The following ZNF346 variants were observed in gnomAD, a reference collection of about 807,000 sequenced individuals.
The protein encoded by ZNF346 is double-stranded RNA-binding zinc finger protein JAZ.
In ZNF346, 23 loss-of-function variants were observed where a neutral mutation model predicts 33.7. That is an observed-to-expected ratio of 0.68 (90% CI 0.49 to 0.97). ZNF346 has a LOEUF of 0.97. Among genes scored for constraint, ZNF346 ranks in the 50% least tolerant of loss-of-function variants. ZNF346 has a pLI of 0.00. For missense variants in ZNF346, 340 were observed against 371.1 expected (o/e 0.92, Z 0.69); for synonymous variants, 134 against 142.4 (o/e 0.94, Z 0.42).
In ZNF346 at chr5:177,067,415, C is replaced by T. The variant is rs1361831151; in HGVS notation, c.*2816C>T. Among the ~76,000 whole-genome samples the T allele has an allele frequency of 1.3e-5, 2 of 152,186 alleles. No homozygotes were observed. Among genetic ancestry groups the T allele is most frequent in the African/African-American group, 4.8e-5 (2 of 41,446 alleles). ...CTGGTCAGCTGTGAAAGGCTCTACACAGCCCCAAGGGAGGTTCTCAGCTTC... is the reference window on the plus strand; with the variant it reads ...CTGGTCAGCTGTGAAAGGCTCTACATAGCCCCAAGGGAGGTTCTCAGCTTC... On this transcript the variant is annotated 3_prime_UTR_variant, in exon 7 of 7. Transcript: ENST00000358149.
intron 4 of ZNF346, among the ~76,000 whole-genome samples, chr5:177,047,797 T>C (rs1039208667): frequency 6.6e-6 from 1 of 151,924 alleles, no homozygotes; most frequent in African/African-American, 2.4e-5. Context: ...TGAGCCACCG[T>C]GCCCTGCCTA....
At chr5:177,069,690 C>T (rs934869735), downstream of ZNF346, among the ~76,000 whole-genome samples, 2 of 151,204 alleles carry the variant, frequency 1.3e-5, no homozygotes, top group African/African-American at 2.5e-5. Context: ...GCCACCACAC[C>T]AGCTAATTTT....
intron 5 of ZNF346, among the ~76,000 whole-genome samples, chr5:177,052,118 T>C (rs569411242): frequency 4.6e-4 from 70 of 152,250 alleles, no homozygotes; most frequent in Non-Finnish European, 9.0e-4. Context: ...TGAGATATGA[T>C]TGTGCCACTG....
At chr5:177,053,755 A>G (rs1282268193) in intron 5 of ZNF346, among the ~76,000 whole-genome samples, 1 of 152,182 alleles carries the variant, frequency 6.6e-6, no homozygotes, top group Non-Finnish European at 1.5e-5. Flanking sequence ...ACATTTCAAA[A>G]TGTATGTATA....
intron 6 of ZNF346, among the ~76,000 whole-genome samples, chr5:177,064,072 A>G (rs1292595431): frequency 6.6e-6 from 1 of 152,206 alleles, no homozygotes; most frequent in Non-Finnish European, 1.5e-5. Flanking sequence ...GACTTCCCCA[A>G]GGTCACTTAG....
At chr5:177,023,876 T>A (rs529326672) in intron 1 of ZNF346, among the ~76,000 whole-genome samples, 27 of 151,888 alleles carry the variant, frequency 1.8e-4, no homozygotes, top group Non-Finnish European at 3.2e-4. Context: ...CTGCCCTGGA[T>A]AAAATTGGAT....
chr5:177,061,902 C>T (rs1346558231), intron 5 of ZNF346, among the ~76,000 whole-genome samples, 156 bp from the exon 6 acceptor site: 1 of 152,188 alleles, frequency 6.6e-6, no homozygotes. Flanking sequence ...GTCTGTGCCT[C>T]CTTAGCACTG....
chr5:177,044,680 C>G, intron 4 of ZNF346, 147 bp downstream of exon 4: 1 of 799,174 alleles, frequency 1.3e-6, no homozygotes. Context: ...CCAAGTAGAC[C>G]CAGCTTCACT....
chr5:177,046,127 C>G (rs1476793995), intron 4 of ZNF346, among the ~76,000 whole-genome samples: 1 of 151,848 alleles, frequency 6.6e-6, no homozygotes, highest in Non-Finnish European at 1.5e-5. Flanking sequence ...CGGTGAAACC[C>G]AATCTCTACT....
At chr5:177,080,160 T>TC (rs925317903) in exon 9 of ZNF346, 1 of 152,198 alleles carries the variant, frequency 6.6e-6, no homozygotes, top group African/African-American at 2.4e-5. Context: ...AACCTGTAAC[T>TC]CACAGCCCTG....
downstream of ZNF346, among the ~76,000 whole-genome samples, chr5:177,068,265 G>T (rs1783331621): frequency 1.4e-5 from 2 of 144,004 alleles, 1 homozygote; most frequent in Non-Finnish European, 2.9e-5. Flanking sequence ...TCATAATTTT[G>T]TCCATTCCCA....
intron 1 of ZNF346, among the ~76,000 whole-genome samples, chr5:177,040,451 TCTC>T (rs1361331373): frequency 6.6e-6 from 1 of 151,928 alleles, no homozygotes; most frequent in Non-Finnish European, 1.5e-5. Flanking sequence ...TTCAAACAAT[TCTC>T]CTGCCTCAGC....
At position 177,041,853 on chromosome 5, in the gene ZNF346, A is replaced by C; in HGVS notation, c.355A>C (p.Lys119Gln). 6.2e-7 allele frequency: 1 copy of C among 1,612,418 alleles called. No individual in the cohort carries two copies. The highest frequency in any genetic ancestry group is 8.5e-7 in the Non-Finnish European group (1 of 1,178,562). Residue 119 changes from lysine to glutamine, a missense_variant, in exon 3 of 7, where the codon AAG (lysine) becomes CAG (glutamine). Transcript: ENST00000358149. Reference protein sequence around the residue: ...GMETLKGETKKLDSDQKSSRS... With the variant: ...GMETLKGETKQLDSDQKSSRS... ...GGAGACATTAAAGGGGGAAACGAAG[A>C]AGCTAGACTCAGATCAGGTAATACA...
In ZNF346 at chr5:177,065,781, G is replaced by A. The variant is rs547447936; in HGVS notation, c.*1182G>A. The A allele has an allele frequency of 6.6e-6, 1 of 151,824 alleles. No homozygotes were observed. Among genetic ancestry groups the A allele is most frequent in the African/African-American group, 2.4e-5 (1 of 41,348 alleles). The allele number at this position is 151,824 out of a possible 1,614,324, so 9.4% of individuals were successfully genotyped here. On this transcript the variant is annotated 3_prime_UTR_variant, in exon 7 of 7. Coordinates refer to ENST00000358149, the MANE Select transcript of ZNF346 (RefSeq NM_012279.4). ...CTTCATTGTGTCAAAGAAGCCCCTA[G>A]CTGCTCTCGTGGCCTCCTTCCCCCA... is the stretch of plus-strand genomic sequence containing the variant.
Position 177,065,099 on chromosome 5 carries a change from A to G in ZNF346, c.*500A>G, listed in dbSNP as rs1783029566. On this transcript the variant is annotated 3_prime_UTR_variant, in exon 7 of 7. Coordinates refer to ENST00000358149, the MANE Select transcript of ZNF346 (RefSeq NM_012279.4). The stretch of plus-strand genomic sequence containing the variant: ...CTAATACGACACTCTGCCTTCCCCC[A>G]GAAGGTGCAGGCTTTCCTGAGTCTT... 6.4e-6 allele frequency: 1 copy of G among 156,188 alleles called. No individual in the cohort carries two copies. The highest frequency in any genetic ancestry group is 2.4e-5 in the African/African-American group (1 of 41,536). 9.7% of individuals were successfully genotyped at this position (156,188 alleles called of 1,614,324 possible). A position where few individuals can be genotyped will look rare whatever the true frequency, so the allele number is the denominator to read the frequency against.
At chr5:177,072,085 G>A (rs1037524020), downstream of ZNF346, among the ~76,000 whole-genome samples, 5 of 152,184 alleles carry the variant, frequency 3.3e-5, no homozygotes, top group South Asian at 2.1e-4. Flanking sequence ...TGATTTAATG[G>A]GAAGAGAACA....
At chr5:177,037,647 A>G (rs914443621) in intron 1 of ZNF346, among the ~76,000 whole-genome samples, 3 of 152,112 alleles carry the variant, frequency 2.0e-5, no homozygotes, top group Non-Finnish European at 4.4e-5. Context: ...ACTTTTCTCC[A>G]TCTCCACTGA....
At chr5:177,061,071 C>T (rs920781375) in intron 5 of ZNF346, among the ~76,000 whole-genome samples, 2 of 151,424 alleles carry the variant, frequency 1.3e-5, no homozygotes, top group Non-Finnish European at 2.9e-5. Context: ...AAGATCGCAC[C>T]ACTGCACTCC....
chr5:177,033,505 G>A (rs571312667), intron 1 of ZNF346, among the ~76,000 whole-genome samples: 1 of 151,836 alleles, frequency 6.6e-6, no homozygotes, highest in Non-Finnish European at 1.5e-5. Flanking sequence ...GAATTTTTTT[G>A]TTTTGTTTTG....
Sources: allele counts gnomAD v4.1 joint callset (sites outside exome capture counted in the v4.1 genomes callset), GRCh38; gene constraint gnomAD v4.1.1; transcripts MANE v1.5; gene names NCBI Gene and HGNC (gene_info 2026-07-23, HGNC 2026-07-21).